The following PCDHGB5 variants were observed in gnomAD, a reference collection of about 807,000 sequenced individuals.
PCDHGB5 encodes protocadherin gamma-B5.
A neutral mutation model predicts 62.9 loss-of-function variants in PCDHGB5; 48 were observed. That is an observed-to-expected ratio of 0.76 (90% CI 0.61 to 0.97). The LOEUF is 0.97. Among genes scored for constraint, PCDHGB5 ranks in the 50% least tolerant of loss-of-function variants. The pLI is 0.00. For missense variants in PCDHGB5, 1,118 were observed against 1,198.6 expected (o/e 0.93, Z 0.99); for synonymous variants, 474 against 511.2 (o/e 0.93, Z 0.98).
chr5:141,478,783 T>G (rs1435790850), intron 1 of PCDHGB5: 2 of 1,483,968 alleles, frequency 1.3e-6, no homozygotes, highest in Admixed American at 4.6e-5. Flanking sequence ...TGGACCTAAT[T>G]CACATCCTCA....
Position 141,431,010 on chromosome 5 carries a change from T to G in PCDHGB5, c.2397+30486T>G. 2 of 1,613,972 alleles carry G rather than the reference T, an allele frequency of 1.2e-6. No individual in the cohort carries two copies. The highest frequency in any genetic ancestry group is 1.7e-6 in the Non-Finnish European group (2 of 1,179,964). The stretch of plus-strand genomic sequence containing the variant: ...GCCCTGAATCCGCGCAGCGGCAGCT[T>G]GGTCACGGCGGGCAGGATAGACCGG... On this transcript the variant is annotated intron_variant, in intron 1 of 3. Transcript: ENST00000617380. The surrounding 1 kb of genome is among the most constrained non-coding windows in gnomAD (Gnocchi z 4.8).
chr5:141,489,990 A>G lies in PCDHGB5; in HGVS notation c.2398-4817A>G. ...TCCAATCCTCAGTTCTACGTGTGGG[A>G]ATCCCAGAGAATGCACCCATTGGTA... is the stretch of plus-strand genomic sequence containing the variant. On this transcript the variant is annotated intron_variant, in intron 1 of 3. Transcript: ENST00000617380. This position sits in a 1 kb window ranked among gnomAD's most constrained non-coding sequence, Gnocchi z 4.5. 6.2e-7 allele frequency: 1 copy of G among 1,614,256 alleles called. No individual in the cohort carries two copies. Among genetic ancestry groups the G allele is most frequent in the Non-Finnish European group, 8.5e-7 (1 of 1,180,030 alleles).
At chr5:141,427,361 A>C in intron 1 of PCDHGB5, 1 of 457,772 alleles carries the variant, frequency 2.2e-6, no homozygotes, top group Non-Finnish European at 4.4e-6. Flanking sequence ...AGGACGCAGA[A>C]CCCTGGACGG....
intron 1 of PCDHGB5, among the ~76,000 whole-genome samples, chr5:141,445,751 G>T (rs1211416281): frequency 2.0e-5 from 3 of 152,102 alleles, no homozygotes; most frequent in Non-Finnish European, 4.4e-5. Context: ...AAAAATAAAA[G>T]GTGTGACTCA....
rs759346998 is a variant in PCDHGB5 at position 141,410,849 on chromosome 5, C to CTTTTTTTTTT, written c.2397+10338_2397+10347dup. ...CAGACTGAAGATATTTTGTCTTTGT[C>CTTTTTTTTTT]TTTTTTTTTTTTTTTTTTTTTTGAG... On this transcript the variant is annotated intron_variant, in intron 1 of 3. Coordinates refer to ENST00000617380, the MANE Select transcript of PCDHGB5 (RefSeq NM_018925.3). 91 of 138,162 alleles carry CTTTTTTTTTT rather than the reference C, an allele frequency of 6.6e-4. 6 individuals are homozygous for CTTTTTTTTTT. The highest frequency in any genetic ancestry group is 2.3e-3 in the African/African-American group (38 of 16,624). The allele number at this position is 138,162 out of a possible 1,614,324, so 8.6% of individuals were successfully genotyped here. A position where few individuals can be genotyped will look rare whatever the true frequency, so the allele number is the denominator to read the frequency against.
At position 141,490,558 on chromosome 5, in the gene PCDHGB5, A is replaced by G. The variant is rs765890709; in HGVS notation, c.2398-4249A>G. 3.1e-5 allele frequency: 50 copies of G among 1,614,042 alleles called. No individual in the cohort carries two copies. The East Asian group carries it at 1.0e-3, about 34-fold the overall frequency. ...ACCTTCCCTACACAAACATCTCACC[A>G]TCAGGCTCAACATTTCAGATGTCAA... On this transcript the variant is annotated intron_variant, in intron 1 of 3. Transcript: ENST00000617380. This position sits in a 1 kb window ranked among gnomAD's most constrained non-coding sequence, Gnocchi z 5.4.
Position 141,397,978 on chromosome 5 carries a change from C to T in PCDHGB5, c.-150C>T, listed in dbSNP as rs2093593315. The stretch of plus-strand genomic sequence containing the variant: ...CCAGCTCAGACTCCCCAGCGCCGGC[C>T]TTTACACCGCTTCCTCCTCGGAAAA... On this transcript the variant is annotated 5_prime_UTR_variant, in exon 1 of 4. Coordinates refer to ENST00000617380, the MANE Select transcript of PCDHGB5 (RefSeq NM_018925.3). 3 of 1,261,604 alleles carry T rather than the reference C, an allele frequency of 2.4e-6. No homozygotes were observed. Among genetic ancestry groups the T allele is most frequent in the Admixed American group, 2.8e-5 (1 of 36,076 alleles). 78.2% of individuals were successfully genotyped at this position (1,261,604 alleles called of 1,614,324 possible). A position where few individuals can be genotyped will look rare whatever the true frequency, so the allele number is the denominator to read the frequency against.
intron 1 of PCDHGB5, among the ~76,000 whole-genome samples, chr5:141,474,464 T>C (rs373468290): frequency 6.6e-6 from 1 of 152,252 alleles, no homozygotes; most frequent in African/African-American, 2.4e-5. Context: ...CTATACTCTT[T>C]ATTCTAAATT....
intron 1 of PCDHGB5, among the ~76,000 whole-genome samples, chr5:141,462,771 G>C (rs1295560657): frequency 6.6e-6 from 1 of 152,088 alleles, no homozygotes; most frequent in Non-Finnish European, 1.5e-5. Context: ...CTGGCTTGGG[G>C]TCATAATTTG....
At chr5:141,436,239 G>T (rs1426798903) in intron 1 of PCDHGB5, among the ~76,000 whole-genome samples, 2 of 152,012 alleles carry the variant, frequency 1.3e-5, no homozygotes, top group South Asian at 2.1e-4. Flanking sequence ...AAGCTAACAT[G>T]GTCTAATTAT....
intron 1 of PCDHGB5, chr5:141,417,942 C>T (rs1324501154): frequency 2.5e-6 from 4 of 1,613,090 alleles, no homozygotes; most frequent in South Asian, 1.1e-5. Context: ...TTCTACCCCA[C>T]GCTGTGTGAG....
At chr5:141,447,647 T>C (rs1338920727) in intron 1 of PCDHGB5, among the ~76,000 whole-genome samples, 1 of 152,092 alleles carries the variant, frequency 6.6e-6, no homozygotes, top group African/African-American at 2.4e-5. Flanking sequence ...GATGGTAGAA[T>C]TTTCCCCCCC....
At chr5:141,500,326 A>T (rs1041431019) in intron 2 of PCDHGB5, among the ~76,000 whole-genome samples, 7 of 152,022 alleles carry the variant, frequency 4.6e-5, no homozygotes, top group Non-Finnish European at 1.0e-4. Context: ...CTCCTGCCTC[A>T]GCCTCCAGAA....
chr5:141,467,572 G>A (rs1351985954), intron 1 of PCDHGB5, among the ~76,000 whole-genome samples: 1 of 152,184 alleles, frequency 6.6e-6, no homozygotes, highest in African/African-American at 2.4e-5. Flanking sequence ...TGGCTATCCA[G>A]TTGTCCCAAT....
rs111842066 is a variant in PCDHGB5, at chr5:141,486,269, G to A, written c.2398-8538G>A. 6.2e-7 allele frequency: 1 copy of A among 1,613,996 alleles called. No homozygotes were observed. Reference sequence around the variant, plus strand: ...AACCCTCCCCGAGAGTGCAGAACCTGGCACTGTGGTGGCACTTATCAGTGT... The same window carrying A: ...AACCCTCCCCGAGAGTGCAGAACCTAGCACTGTGGTGGCACTTATCAGTGT... On this transcript the variant is annotated intron_variant, in intron 1 of 3. Transcript: ENST00000617380. This position sits in a 1 kb window ranked among gnomAD's most constrained non-coding sequence, Gnocchi z 5.0.
At chr5:141,469,700 T>TA (rs1483261429) in intron 1 of PCDHGB5, among the ~76,000 whole-genome samples, 1 of 152,272 alleles carries the variant, frequency 6.6e-6, no homozygotes, top group African/African-American at 2.4e-5. Context: ...TATGACCTAG[T>TA]AATCACACTA....
chr5:141,460,128 T>C (rs10051366), intron 1 of PCDHGB5, among the ~76,000 whole-genome samples: 42,386 of 151,808 alleles, frequency 0.28, 6,635 homozygotes, highest in African/African-American at 0.43. Context: ...ATATGTAATA[T>C]ATATATTCTT....
chr5:141,434,920 A>C (rs927245955), intron 1 of PCDHGB5, among the ~76,000 whole-genome samples: 1 of 151,796 alleles, frequency 6.6e-6, no homozygotes. Flanking sequence ...ATTTATGTAC[A>C]TATATTTTAT....
chr5:141,410,793 G>T, intron 1 of PCDHGB5: 2 of 637,704 alleles, frequency 3.1e-6, no homozygotes, highest in Admixed American at 4.3e-5. Flanking sequence ...TGGTTCATAA[G>T]TTGCTCTATC....
Sources: gnomAD v4.1 joint callset for allele counts (sites outside exome capture counted in the v4.1 genomes callset) on GRCh38, gnomAD v4.1.1 for gene constraint, Gnocchi (gnomAD v3.1) non-coding constraint, MANE v1.5 for transcripts, NCBI Gene and HGNC (gene_info 2026-07-23, HGNC 2026-07-21) for gene names.